The following KIRREL3 variants were observed in gnomAD, a reference collection of about 807,000 sequenced individuals.
The protein encoded by KIRREL3 is kin of IRRE-like protein 3.
A neutral mutation model predicts 89.7 loss-of-function variants in KIRREL3; 36 were observed. That is an observed-to-expected ratio of 0.40 (90% confidence interval 0.31 to 0.53). The LOEUF is 0.53. KIRREL3 is among the 20% of genes least tolerant of loss of function. The probability of loss-of-function intolerance (pLI) is 0.49; values close to 1 mark genes in which losing one functional copy is unlikely to be tolerated. For synonymous variants in KIRREL3, 445 were observed against 441.4 expected (o/e 1.01, Z -0.10); for missense variants, 864 against 1,056.6 (o/e 0.82, Z 2.53).
Position 126,530,080 on chromosome 11 carries a change from C to T in KIRREL3, c.134-3393G>A, listed in dbSNP as rs1215977412. ...GTTATTGCCAGAAGAATGCTCCTCACCCACCCACTCTTTCTTTTCTTTTGA... is the reference window on the plus strand; with the variant it reads ...GTTATTGCCAGAAGAATGCTCCTCATCCACCCACTCTTTCTTTTCTTTTGA... On this transcript the variant is annotated intron_variant, in intron 2 of 16. Coordinates refer to ENST00000525144, the MANE Select transcript of KIRREL3 (RefSeq NM_032531.4). This position sits in a 1 kb window ranked among gnomAD's most constrained non-coding sequence, Gnocchi z 5.8. Among the ~76,000 whole-genome samples the T allele has an allele frequency of 1.3e-5, 2 of 151,898 alleles. No homozygotes were observed. The highest frequency in any genetic ancestry group is 6.6e-5 in the Admixed American group (1 of 15,240).
Position 126,562,001 on chromosome 11 carries a change from G to A in KIRREL3, c.133+834C>T, listed in dbSNP as rs1480814230. Reference sequence around the variant, plus strand: ...GGGCCCTGGGCCCTGGAAGGGGAGGGGTCCAGCCCATGGCAAGCATGGCTG... The same window carrying A: ...GGGCCCTGGGCCCTGGAAGGGGAGGAGTCCAGCCCATGGCAAGCATGGCTG... On this transcript the variant is annotated intron_variant, in intron 2 of 16. Coordinates refer to ENST00000525144, the MANE Select transcript of KIRREL3 (RefSeq NM_032531.4). This position sits in a 1 kb window ranked among gnomAD's most constrained non-coding sequence, Gnocchi z 4.7. Among the ~76,000 whole-genome samples, 1 of 152,178 alleles carries A rather than the reference G, an allele frequency of 6.6e-6. No homozygotes were observed. The highest frequency in any genetic ancestry group is 1.5e-5 in the Non-Finnish European group (1 of 68,018).
intron 1 of KIRREL3, among the ~76,000 whole-genome samples, chr11:126,857,262 A>G (rs567143732): frequency 6.6e-6 from 1 of 152,282 alleles, no homozygotes; most frequent in South Asian, 2.1e-4. Flanking sequence ...CCTTGCTCCA[A>G]TGGACCCCAC....
At chr11:126,688,303 T>C (rs1302872375) in intron 1 of KIRREL3, among the ~76,000 whole-genome samples, 2 of 152,240 alleles carry the variant, frequency 1.3e-5, no homozygotes, top group East Asian at 1.9e-4. Context: ...ACATAAGCGA[T>C]ATTGATTGCA....
intron 1 of KIRREL3, among the ~76,000 whole-genome samples, chr11:126,974,479 CA>C (rs1949514511): frequency 2.9e-5 from 4 of 137,174 alleles, no homozygotes; most frequent in African/African-American, 1.1e-4. Context: ...TAGCCCGTTA[CA>C]CACCTAGGCT....
intron 1 of KIRREL3, among the ~76,000 whole-genome samples, chr11:126,673,440 G>A (rs1227098678): frequency 6.6e-6 from 1 of 152,224 alleles, no homozygotes; most frequent in Non-Finnish European, 1.5e-5. Flanking sequence ...ATTGGATCCA[G>A]ATGGATAGTA....
chr11:126,998,916 A>AGTGTGTGTGTGT (rs10561880), intron 1 of KIRREL3, among the ~76,000 whole-genome samples: 3 of 141,346 alleles, frequency 2.1e-5, no homozygotes, highest in South Asian at 2.4e-4. Flanking sequence ...GACGAATGGG[A>AGTGTGTGTGTGT]GTGTGTGTGT....
intron 6 of KIRREL3, among the ~76,000 whole-genome samples, chr11:126,458,145 T>C (rs527976480): frequency 4.9e-4 from 74 of 151,610 alleles, no homozygotes; most frequent in African/African-American, 1.7e-3. Flanking sequence ...CTCATCCCCA[T>C]GGACAGGCTG....
At chr11:126,923,181 CTTCTTCTCTTCTTCTTCT>C (rs1947462679) in intron 1 of KIRREL3, among the ~76,000 whole-genome samples, 1 of 21,416 alleles carries the variant, frequency 4.7e-5, no homozygotes, top group Non-Finnish European at 9.1e-5. Context: ...TTCTTCTCTT[CTTCTTCTCTTCTTCTTCT>C]TCTTCTTCTT....
intron 1 of KIRREL3, among the ~76,000 whole-genome samples, chr11:126,713,242 T>TG (rs1947831357): frequency 6.6e-6 from 1 of 152,152 alleles, no homozygotes; most frequent in Admixed American, 6.5e-5. Context: ...GGAGGCTCCA[T>TG]GCAGAGGTCA....
Position 127,000,344 on chromosome 11 carries a change from C to G in KIRREL3, c.55+111G>C. 1 of 787,896 alleles carries G rather than the reference C, an allele frequency of 1.3e-6. No individual in the cohort carries two copies. The highest frequency in any genetic ancestry group is 2.4e-4 in the Middle Eastern group (1 of 4,226). 48.8% of individuals were successfully genotyped at this position (787,896 alleles called of 1,614,324 possible). ...AGCATCTCAGCCCGGCACCGAGAGA[C>G]GCATCCATCAGTCCGAGTTCCCGAA... On this transcript the variant is annotated intron_variant, in intron 1 of 16. Coordinates refer to ENST00000525144, the MANE Select transcript of KIRREL3 (RefSeq NM_032531.4). The surrounding 1 kb of genome is among the most constrained non-coding windows in gnomAD (Gnocchi z 7.1).
intron 1 of KIRREL3, among the ~76,000 whole-genome samples, chr11:126,630,727 A>T (rs1401662759): frequency 6.6e-6 from 1 of 152,104 alleles, no homozygotes; most frequent in Non-Finnish European, 1.5e-5. Flanking sequence ...CCTCACTCCC[A>T]GCCTAAGAGC....
rs1421160613 is a variant in KIRREL3, at chr11:126,891,759, C to T, written c.55+108696G>A. Among the ~76,000 whole-genome samples, 2 of 152,202 alleles carry T rather than the reference C, an allele frequency of 1.3e-5. No individual in the cohort carries two copies. Among genetic ancestry groups the T allele is most frequent in the Non-Finnish European group, 2.9e-5 (2 of 68,032 alleles). ...AGGTTCTGCGATCCCTGGAGATGGG[C>T]AGGGCTGGGGTCAGACTCCGGTGAC... On this transcript the variant is annotated intron_variant, in intron 1 of 16. Coordinates refer to ENST00000525144, the MANE Select transcript of KIRREL3 (RefSeq NM_032531.4). This position sits in a 1 kb window ranked among gnomAD's most constrained non-coding sequence, Gnocchi z 5.1.
intron 1 of KIRREL3, among the ~76,000 whole-genome samples, chr11:126,691,841 A>T (rs1218180449): frequency 6.6e-6 from 1 of 152,164 alleles, no homozygotes; most frequent in African/African-American, 2.4e-5. Flanking sequence ...ACCAGATTTA[A>T]AAAAAATGGG....
intron 4 of KIRREL3, among the ~76,000 whole-genome samples, chr11:126,500,565 C>T (rs1440107985): frequency 1.3e-5 from 2 of 152,022 alleles, no homozygotes; most frequent in Non-Finnish European, 2.9e-5. Flanking sequence ...CATGGTGAAA[C>T]CCCGTCTCTA....
rs1018256328 is a variant in KIRREL3, at chr11:126,571,493, A to G, written c.56-8581T>C. On this transcript the variant is annotated intron_variant, in intron 1 of 16. Coordinates refer to ENST00000525144, the MANE Select transcript of KIRREL3 (RefSeq NM_032531.4). The surrounding 1 kb of genome is among the most constrained non-coding windows in gnomAD (Gnocchi z 7.7). Reference sequence around the variant, plus strand: ...ACCTGGGACCAGGCTCATGTAGTTCACCATCACAATGAAAGCTGCCATGTG... The same window carrying G: ...ACCTGGGACCAGGCTCATGTAGTTCGCCATCACAATGAAAGCTGCCATGTG... Among the ~76,000 whole-genome samples, 5 of 152,170 alleles carry G rather than the reference A, an allele frequency of 3.3e-5. No individual in the cohort carries two copies. The highest frequency in any genetic ancestry group is 1.2e-4 in the African/African-American group (5 of 41,450).
At chr11:126,847,525 C>T (rs185348191) in intron 1 of KIRREL3, among the ~76,000 whole-genome samples, 1 of 152,174 alleles carries the variant, frequency 6.6e-6, no homozygotes, top group East Asian at 1.9e-4. Flanking sequence ...TTTCTGATAA[C>T]TTTGGAGATT....
At chr11:126,835,742 T>TG (rs1336972714) in intron 1 of KIRREL3, among the ~76,000 whole-genome samples, 5 of 152,234 alleles carry the variant, frequency 3.3e-5, no homozygotes, top group Admixed American at 2.0e-4. Context: ...TAAAGAGGTC[T>TG]GGCTTTTGCC....
rs1228833355 is a variant in KIRREL3 at position 126,496,360 on chromosome 11, GATGAAGAA to G, written c.434-22902_434-22895del. Among the ~76,000 whole-genome samples, 1 of 152,152 alleles carries G rather than the reference GATGAAGAA, an allele frequency of 6.6e-6. No individual in the cohort carries two copies. The highest frequency in any genetic ancestry group is 1.9e-4 in the East Asian group (1 of 5,196). On this transcript the variant is annotated intron_variant, in intron 4 of 16. Transcript: ENST00000525144. The surrounding 1 kb of genome is among the most constrained non-coding windows in gnomAD (Gnocchi z 4.9). Reference sequence around the variant, plus strand: ...AGGCATTCTTAGTCCTCACTTTATAGATGAAGAAACTGAGGGTCAGAGAGGCTAAGTGA... The same window carrying G: ...AGGCATTCTTAGTCCTCACTTTATAGACTGAGGGTCAGAGAGGCTAAGTGA...
intron 1 of KIRREL3, among the ~76,000 whole-genome samples, chr11:126,629,085 C>G (rs1943910175): frequency 6.6e-6 from 1 of 152,208 alleles, no homozygotes; most frequent in Non-Finnish European, 1.5e-5. Flanking sequence ...AACACCACCT[C>G]CCCCCAACCC....
Sources: gnomAD v4.1 joint callset for allele counts (sites outside exome capture counted in the v4.1 genomes callset) on GRCh38, gnomAD v4.1.1 for gene constraint, Gnocchi (gnomAD v3.1) non-coding constraint, MANE v1.5 for transcripts, NCBI Gene and HGNC (gene_info 2026-07-23, HGNC 2026-07-21) for gene names.